TTC7A: variants seen among roughly 807,000 people sequenced by gnomAD.
TTC7A encodes the protein tetratricopeptide repeat protein 7A.
TTC7A carries 110 observed loss-of-function variants against 103.7 expected under a neutral mutation model. That is an observed-to-expected ratio of 1.06 (90% confidence interval 0.91 to 1.24). The LOEUF is 1.24. Ranked by LOEUF, TTC7A falls within the 50% of genes most tolerant of loss-of-function variation. The probability of loss-of-function intolerance (pLI) is 0.00; values close to 1 mark genes in which losing one functional copy is unlikely to be tolerated. For synonymous variants in TTC7A, 521 were observed against 467.9 expected (o/e 1.11, Z -1.47); for missense variants, 1,340 against 1,116.3 (o/e 1.20, Z -2.86).
intron 15 of TTC7A, among the ~76,000 whole-genome samples, chr2:47,033,235 T>C (rs1024236877): frequency 2.0e-5 from 3 of 152,304 alleles, no homozygotes; most frequent in East Asian, 1.9e-4. Context: ...CCGGTAAATA[T>C]CACTGCAGCA....
intron 7 of TTC7A, 126 bp downstream of exon 7, chr2:46,994,640 C>A: frequency 1.1e-6 from 1 of 938,364 alleles, no homozygotes; most frequent in Non-Finnish European, 1.6e-6. Flanking sequence ...TGCCAGCCAG[C>A]CTCCTCAGTC....
chr2:46,982,122 G>A (rs1025839772), intron 5 of TTC7A, among the ~76,000 whole-genome samples: 28 of 152,160 alleles, frequency 1.8e-4, no homozygotes, highest in Non-Finnish European at 8.8e-5. Flanking sequence ...TCTGTAATCC[G>A]AGCACTTTGG....
At chr2:46,915,958 C>A (rs1030659300), upstream of TTC7A, 6 of 985,306 alleles carry the variant, frequency 6.1e-6, no homozygotes, top group African/African-American at 1.0e-4. Flanking sequence ...CCAGCACTGG[C>A]GGGACTGACG....
rs558088773 is a variant in TTC7A, at chr2:47,011,015, C to T, written c.1288-316C>T. ...GTGCCCAGCCCTCATTTAGAGAGCC[C>T]CTTTCTACCTCTAAAATTTCTGTGC... On this transcript the variant is annotated intron_variant, in intron 10 of 19. Transcript: ENST00000319190. 1.8e-4 allele frequency among the ~76,000 whole-genome samples: 28 copies of T among 152,214 alleles called. No homozygotes were observed. The East Asian group carries it at 5.4e-3, about 29-fold the overall frequency.
intron 2 of TTC7A, among the ~76,000 whole-genome samples, chr2:46,917,762 G>C (rs1668889910): frequency 6.6e-6 from 1 of 152,086 alleles, no homozygotes; most frequent in African/African-American, 2.4e-5. Context: ...TGGTCTCTTT[G>C]ATCTCTTGTT....
At chr2:46,963,707 A>G (rs1401336103) in intron 3 of TTC7A, among the ~76,000 whole-genome samples, 1 of 151,954 alleles carries the variant, frequency 6.6e-6, no homozygotes, top group African/African-American at 2.4e-5. Flanking sequence ...TTGTTGGAGC[A>G]GCATGGCATC....
rs147684769 is a variant in TTC7A, at chr2:46,928,847, G to C, written c.82+11570G>C. ...ATGCAGTTACACCAGAGGGGTAGGG[G>C]GGGAAGCTTTAAAAGCCACATTTAT... On this transcript the variant is annotated intron_variant, in intron 2 of 20. Coordinates refer to the TTC7A transcript ENST00000409245. 5.4e-3 allele frequency among the ~76,000 whole-genome samples: 829 copies of C among 152,266 alleles called. 14 individuals are homozygous for C. Among genetic ancestry groups the C allele is most frequent in the African/African-American group, 0.018 (764 of 41,554 alleles).
At chr2:46,925,975 G>T (rs1464565682) in intron 2 of TTC7A, among the ~76,000 whole-genome samples, 1 of 152,152 alleles carries the variant, frequency 6.6e-6, no homozygotes, top group East Asian at 1.9e-4. Context: ...GGTATAATGG[G>T]ATCAGACTTA....
intron 19 of TTC7A, among the ~76,000 whole-genome samples, chr2:47,072,287 G>C (rs1191023625): frequency 6.6e-6 from 1 of 152,200 alleles, no homozygotes; most frequent in Admixed American, 6.5e-5. Context: ...ATCCGTGTGT[G>C]TGGTTCCTTG....
chr2:47,072,720 C>G (rs1250904212), intron 19 of TTC7A, among the ~76,000 whole-genome samples: 2 of 152,196 alleles, frequency 1.3e-5, no homozygotes, highest in East Asian at 3.9e-4. Context: ...AAGGGCCCCC[C>G]GTGCTGTCAT....
chr2:47,018,613 A>G (rs141793042), intron 11 of TTC7A, among the ~76,000 whole-genome samples: 5,720 of 150,976 alleles, frequency 0.038, 143 homozygotes, highest in Middle Eastern at 0.069. Flanking sequence ...TTATATTATT[A>G]TATCAAAGCT....
chr2:47,067,665 C>T (rs924919659), intron 19 of TTC7A, among the ~76,000 whole-genome samples: 2 of 152,378 alleles, frequency 1.3e-5, no homozygotes, highest in East Asian at 1.9e-4. Context: ...CCTTCACTCA[C>T]TGACCAGGTT....
chr2:46,990,646 C>T (rs1014629183), intron 5 of TTC7A, among the ~76,000 whole-genome samples: 1 of 152,178 alleles, frequency 6.6e-6, no homozygotes, highest in African/African-American at 2.4e-5. Context: ...ACATGTATGT[C>T]ATCTTCCTAA....
chr2:47,063,087 A>G (rs932000304), intron 19 of TTC7A, among the ~76,000 whole-genome samples: 1 of 152,242 alleles, frequency 6.6e-6, no homozygotes, highest in Non-Finnish European at 1.5e-5. Flanking sequence ...TAGTGAGTCG[A>G]TCTCAAGTGT....
chr2:46,977,305 C>A (rs888469470), intron 4 of TTC7A, among the ~76,000 whole-genome samples: 2 of 152,210 alleles, frequency 1.3e-5, no homozygotes, highest in Non-Finnish European at 2.9e-5. Flanking sequence ...TGTGTCCCTC[C>A]TGAGACCCAG....
chr2:46,984,145 C>T (rs1674764091), intron 5 of TTC7A, among the ~76,000 whole-genome samples: 1 of 152,236 alleles, frequency 6.6e-6, no homozygotes, highest in African/African-American at 2.4e-5. Flanking sequence ...ACAAAAATGA[C>T]TTGTCCTTGG....
chr2:47,011,374 G>T lies in TTC7A; in HGVS notation c.1331G>T (p.Arg444Leu). Reference protein sequence around the residue: ...VSLLRECVKLRPSDPTVPLMA... With the variant: ...VSLLRECVKLLPSDPTVPLMA... The stretch of plus-strand genomic sequence containing the variant: ...CTGCTGCGGGAGTGTGTGAAGTTGC[G>T]GCCCTCGGACCCCACCGTGCCCCTG... Residue 444 changes from arginine (R) to leucine (L), a missense_variant, in exon 11 of 20, where the codon CGG becomes CTG. Transcript: ENST00000319190. 6.2e-7 allele frequency: 1 copy of T among 1,612,652 alleles called. No individual in the cohort carries two copies.
At chr2:47,021,528 G>T (rs1472500710) in intron 11 of TTC7A, among the ~76,000 whole-genome samples, 52 of 152,334 alleles carry the variant, frequency 3.4e-4, no homozygotes, top group Non-Finnish European at 8.8e-5. Context: ...ATCCAGCAAG[G>T]CACATGTTCC....
intron 15 of TTC7A, among the ~76,000 whole-genome samples, chr2:47,042,498 CTCTTTAAAAAAAAAAAGGAAATT>C (rs1360762270): frequency 2.0e-5 from 2 of 97,890 alleles, no homozygotes; most frequent in African/African-American, 1.3e-4. Flanking sequence ...CAGACCTTGT[CTCTTTAAAAAAAAAAAGGAAATT>C]TCTTTTATAA....
Sources: allele counts gnomAD v4.1 joint callset (sites outside exome capture counted in the v4.1 genomes callset), GRCh38; gene constraint gnomAD v4.1.1; transcripts MANE v1.5; gene names NCBI Gene and HGNC (gene_info 2026-07-23, HGNC 2026-07-21).